ALG12: variants seen among roughly 807,000 people sequenced by gnomAD.
The protein encoded by ALG12 is dol-P-Man:Man(7)GlcNAc(2)-PP-Dol alpha-1,6-mannosyltransferase.
Under a neutral mutation model 46.0 loss-of-function variants are expected in ALG12, and 36 were observed. The ratio of observed to expected loss-of-function variants is 0.78; its 90% CI spans 0.60 to 1.03. The LOEUF is 1.03. Among genes scored for constraint, ALG12 ranks in the 50% least tolerant of loss-of-function variants. The probability of loss-of-function intolerance (pLI) is 0.00; values close to 1 mark genes in which losing one functional copy is unlikely to be tolerated. For synonymous variants in ALG12, 326 were observed against 291.6 expected (o/e 1.12, Z -1.20); for missense variants, 599 against 633.5 (o/e 0.95, Z 0.58).
chr22:49,910,115 G>C (rs779194721), intron 4 of ALG12, 27 bp from the exon 5 acceptor site: 2 of 1,578,726 alleles, frequency 1.3e-6, no homozygotes, highest in African/African-American at 1.3e-5. Flanking sequence ...GAGGGTGCTC[G>C]TCAAGACACA....
the ALG12 span, chr22:49,887,992 G>C: frequency 6.0e-6 from 1 of 167,224 alleles, no homozygotes; most frequent in Non-Finnish European, 1.5e-5. Context: ...GCATCTCCAC[G>C]CTCTGAAGCT....
chr22:49,873,537 G>C, the ALG12 span, among the ~76,000 whole-genome samples: 3 of 152,276 alleles, frequency 2.0e-5, no homozygotes, highest in Middle Eastern at 3.4e-3. Context: ...GTGAAATATT[G>C]CCAGAATTAC....
At chr22:49,910,882 T>C (rs2060573091) in intron 3 of ALG12, among the ~76,000 whole-genome samples, 1 of 151,894 alleles carries the variant, frequency 6.6e-6, no homozygotes, top group African/African-American at 2.4e-5. Flanking sequence ...AACTTGGGGG[T>C]GCCACGAGCT....
the ALG12 span, chr22:49,885,672 C>G: frequency 6.8e-6 from 11 of 1,612,582 alleles, no homozygotes; most frequent in Non-Finnish European, 9.3e-6. Context: ...CACTTGACCT[C>G]CAGCCATATT....
At chr22:49,898,636 G>C (rs975015839), downstream of ALG12, among the ~76,000 whole-genome samples, 1 of 152,160 alleles carries the variant, frequency 6.6e-6, no homozygotes, top group Admixed American at 6.5e-5. Context: ...GTGATCCACT[G>C]CCTCGGCCTC....
Position 49,901,480 on chromosome 22 carries a change from T to C in ALG12, c.*2358A>G, listed in dbSNP as rs571742627. On this transcript the variant is annotated 3_prime_UTR_variant, in exon 10 of 10. Transcript: ENST00000330817. ...GCATGTGTGGTATGTATGCATGGTG[T>C]GTGCACGTGTGCATTGTGTGCATGA... 2 of 152,476 alleles carry C rather than the reference T, an allele frequency of 1.3e-5. No individual in the cohort carries two copies. Among genetic ancestry groups the C allele is most frequent in the African/African-American group, 2.4e-5 (1 of 41,568 alleles). 9.4% of individuals were successfully genotyped at this position (152,476 alleles called of 1,614,324 possible).
At chr22:49,914,276 G>C (rs1296544353) in intron 1 of ALG12, among the ~76,000 whole-genome samples, 1 of 152,260 alleles carries the variant, frequency 6.6e-6, no homozygotes, top group African/African-American at 2.4e-5. Context: ...CACCAAGCTG[G>C]AGAGTGGTGG....
chr22:49,864,305 G>C, the ALG12 span, among the ~76,000 whole-genome samples: 8 of 152,210 alleles, frequency 5.3e-5, no homozygotes, highest in Non-Finnish European at 1.2e-4. Context: ...TTTATCTCTT[G>C]CTACAAACAT....
chr22:49,871,649 G>A, the ALG12 span, among the ~76,000 whole-genome samples: 1 of 152,122 alleles, frequency 6.6e-6, no homozygotes, highest in Non-Finnish European at 1.5e-5. Flanking sequence ...GGGAGGAGAT[G>A]TTGCCTTGGT....
chr22:49,884,790 A>G, the ALG12 span: 1,449,681 of 1,607,980 alleles, frequency 0.9, 654,009 homozygotes, highest in African/African-American at 0.98. Context: ...CCTCGTCTCC[A>G]GTAAAGCCGG....
At chr22:49,869,231 T>C in the ALG12 span, among the ~76,000 whole-genome samples, 1 of 152,298 alleles carries the variant, frequency 6.6e-6, no homozygotes, top group East Asian at 1.9e-4. Context: ...GTGGCTTTGA[T>C]TCACGTACAC....
rs1011923600 is a variant in ALG12, at chr22:49,907,812, G to C, written c.901C>G (p.Leu301Val). Reference protein sequence around the residue: ...PTVLALGFMALYSLLPHKELR... With the variant: ...PTVLALGFMAVYSLLPHKELR... Reference sequence around the variant, plus strand: ...TCCTTGTGTGGCAGGAGGGAGTAGAGTGCCATGAAGCCCAGTGCCAGCACC... The same window carrying C: ...TCCTTGTGTGGCAGGAGGGAGTAGACTGCCATGAAGCCCAGTGCCAGCACC... Residue 301 changes from leucine to valine, a missense_variant, in exon 7 of 10, where the codon CTC becomes GTC. Physicochemically the swap from Leu to Val is conservative, Grantham distance 32 (BLOSUM62 1). Transcript: ENST00000330817. 6.2e-7 allele frequency: 1 copy of C among 1,614,034 alleles called. No homozygotes were observed. Among genetic ancestry groups the C allele is most frequent in the African/African-American group, 1.3e-5 (1 of 74,922 alleles).
intron 6 of ALG12, among the ~76,000 whole-genome samples, chr22:49,908,678 G>A (rs571399623): frequency 1.4e-5 from 2 of 146,586 alleles, no homozygotes; most frequent in African/African-American, 2.6e-5. Flanking sequence ...CGGGCCGGGC[G>A]TGGTGGCTCA....
In ALG12 at chr22:49,903,880, C is replaced by G. The variant is rs147000290; in HGVS notation, c.1425G>C (p.Gln475His). 6.0e-5 allele frequency: 97 copies of G among 1,614,270 alleles called. No individual in the cohort carries two copies. The African/African-American group carries it at 1.2e-3, about 20-fold the overall frequency. Residue 475 changes from glutamine (Q) to histidine (H), a missense_variant, in exon 10 of 10, where the codon CAG (glutamine) becomes CAC (histidine). Gln to His is a conservative substitution (Grantham distance 24). Transcript: ENST00000330817. ...TQLPPFNVHL[Q>H]TKLVLLERLP... ...GCCTCTCCAGAAGCACCAGCTTTGT[C>G]TGCAGGTGGACGTTGAAGGGGGGCA...
rs375571445 is a variant in ALG12 at position 49,910,664 on chromosome 22, C to T, written c.296-57G>A. On this transcript the variant is annotated intron_variant, in intron 3 of 9. Coordinates refer to ENST00000330817, the MANE Select transcript of ALG12 (RefSeq NM_024105.4). ...GCAGTGGAGGAGTATCCAGTGGGGCCCCCTACGTGGGTCCTTCTACACAGA... is the reference window on the plus strand; with the variant it reads ...GCAGTGGAGGAGTATCCAGTGGGGCTCCCTACGTGGGTCCTTCTACACAGA... The T allele has an allele frequency of 2.7e-4, 428 of 1,603,216 alleles. 4 individuals carry two copies. In the South Asian group the frequency reaches 3.1e-3, roughly 11 times the overall value.
At position 49,904,027 on chromosome 22, in the gene ALG12, C is replaced by T; in HGVS notation, c.1278G>A (p.Met426Ile). The T allele has an allele frequency of 6.2e-7, 1 of 1,614,212 alleles. No homozygotes were observed. Among genetic ancestry groups the T allele is most frequent in the Non-Finnish European group, 8.5e-7 (1 of 1,180,006 alleles). The change falls in exon 10 of 10, where the codon ATG (methionine) becomes ATA (isoleucine). Residue 426 changes from methionine (M) to isoleucine (I), a missense_variant. Transcript: ENST00000330817. Reference protein sequence around the residue: ...KREDVQPGTGMLAYTHILMEA... With the variant: ...KREDVQPGTGILAYTHILMEA... The stretch of plus-strand genomic sequence containing the variant: ...CCATGAGGATGTGTGTGTATGCCAG[C>T]ATGCCTGTCCCCGGCTGCACATCCT...
intron 1 of ALG12, among the ~76,000 whole-genome samples, chr22:49,915,055 G>A (rs537826303): frequency 1.1e-4 from 16 of 152,376 alleles, no homozygotes; most frequent in African/African-American, 2.4e-5. Context: ...CAAACGGAGA[G>A]TTAAGAAGTA....
At position 49,907,648 on chromosome 22, in the gene ALG12, C is replaced by A. The variant is rs928051099; in HGVS notation, c.992+73G>T. On this transcript the variant is annotated intron_variant, in intron 7 of 9. Transcript: ENST00000330817. ...TCAAAAATTAAACACACACATACAT[C>A]CCCCCAACAGTAAATCAGTGAACCT... is the stretch of plus-strand genomic sequence containing the variant. The A allele has an allele frequency of 4.3e-5, 64 of 1,489,822 alleles. No individual in the cohort carries two copies. The African/African-American group carries it at 7.9e-4, about 18-fold the overall frequency. The allele number at this position is 1,489,822 out of a possible 1,614,324, so 92.3% of individuals were successfully genotyped here. A position where few individuals can be genotyped will look rare whatever the true frequency, so the allele number is the denominator to read the frequency against.
chr22:49,872,677 A>T, the ALG12 span, among the ~76,000 whole-genome samples: 1 of 151,682 alleles, frequency 6.6e-6, no homozygotes, highest in East Asian at 1.9e-4. Context: ...CTGCAGGTGT[A>T]TGCCACCAAG....
Sources: gnomAD v4.1 joint callset for allele counts (sites outside exome capture counted in the v4.1 genomes callset) on GRCh38, gnomAD v4.1.1 for gene constraint, MANE v1.5 for transcripts, NCBI Gene and HGNC (gene_info 2026-07-23, HGNC 2026-07-21) for gene names.